FGF12: variants seen among roughly 807,000 people sequenced by gnomAD.
The protein encoded by FGF12 is fibroblast growth factor 12B.
In FGF12, 14 loss-of-function variants were observed where a neutral mutation model predicts 23.6. The ratio of observed to expected loss-of-function variants is 0.59; its 90% CI spans 0.39 to 0.93. The LOEUF is 0.93. FGF12 is among the 40% of genes least tolerant of loss of function. FGF12 has a pLI of 0.00. For synonymous variants in FGF12, 62 were observed against 77.3 expected (o/e 0.80, Z 1.04); for missense variants, 175 against 217.8 (o/e 0.80, Z 1.24).
chr3:192,230,678 T>C (rs867172469), intron 4 of FGF12, among the ~76,000 whole-genome samples: 1 of 152,190 alleles, frequency 6.6e-6, no homozygotes, highest in Non-Finnish European at 1.5e-5. Flanking sequence ...TGAAATCTAA[T>C]GTCAGACTAA....
intron 4 of FGF12, among the ~76,000 whole-genome samples, chr3:192,201,013 A>T (rs1717340624): frequency 6.6e-6 from 1 of 152,190 alleles, no homozygotes; most frequent in African/African-American, 2.4e-5. Flanking sequence ...GAAAGTTTTC[A>T]TAAAGGGGTA....
intron 2 of FGF12, among the ~76,000 whole-genome samples, chr3:192,627,851 C>CGTGTGTGT (rs1491518275): frequency 1.6e-5 from 2 of 123,356 alleles, no homozygotes; most frequent in African/African-American, 5.4e-5. Context: ...TGTGTGTGTG[C>CGTGTGTGT]ATGTGTGTGT....
chr3:192,542,145 T>C (rs1264858692), intron 2 of FGF12, among the ~76,000 whole-genome samples: 1 of 150,806 alleles, frequency 6.6e-6, no homozygotes, highest in East Asian at 2.0e-4. Flanking sequence ...AGTGCTGGGA[T>C]TACAGGTGTG....
intron 2 of FGF12, among the ~76,000 whole-genome samples, chr3:192,508,565 G>C (rs1003972700): frequency 6.6e-6 from 1 of 152,184 alleles, no homozygotes; most frequent in Non-Finnish European, 1.5e-5. Context: ...TAAATAAATG[G>C]ATTTATGTTG....
intron 2 of FGF12, among the ~76,000 whole-genome samples, chr3:192,422,841 G>T (rs1190391850): frequency 6.6e-6 from 1 of 152,174 alleles, no homozygotes; most frequent in Non-Finnish European, 1.5e-5. Context: ...TGTGGTCCCA[G>T]TGTAGTAGGA....
intron 2 of FGF12, among the ~76,000 whole-genome samples, chr3:192,489,222 AAG>A (rs1453322139): frequency 6.6e-6 from 1 of 152,070 alleles, no homozygotes; most frequent in African/African-American, 2.4e-5. Context: ...TAACAATAAA[AAG>A]AGCAAAAATA....
Position 192,587,408 on chromosome 3 carries a change from T to C in FGF12, c.13+139773A>G, listed in dbSNP as rs533238279. 8.7e-4 allele frequency among the ~76,000 whole-genome samples: 133 copies of C among 152,046 alleles called. 1 individual carries two copies. The highest frequency in any genetic ancestry group is 3.0e-3 in the African/African-American group (126 of 41,536). ...GTTGTGGTGGTAGTAGGAGGGTCTT[T>C]GAACAGCAGAATATGGATATATTGT... On this transcript the variant is annotated intron_variant, in intron 2 of 5. Coordinates refer to ENST00000445105, the MANE Select transcript of FGF12 (RefSeq NM_004113.6).
chr3:192,395,745 C>T (rs1720488398), intron 2 of FGF12, among the ~76,000 whole-genome samples: 1 of 152,136 alleles, frequency 6.6e-6, no homozygotes, highest in Non-Finnish European at 1.5e-5. Context: ...ATTCATTCTA[C>T]CTGGAAGGAT....
intron 2 of FGF12, 53 bp downstream of exon 2, chr3:192,727,128 C>T: frequency 1.3e-6 from 2 of 1,561,436 alleles, no homozygotes; most frequent in South Asian, 1.2e-5. Context: ...CGAGGATTGC[C>T]TTGGCCACAC....
At chr3:192,522,060 C>T (rs767067799) in intron 2 of FGF12, among the ~76,000 whole-genome samples, 23 of 152,058 alleles carry the variant, frequency 1.5e-4, no homozygotes, top group South Asian at 4.1e-4. Flanking sequence ...TAGCCGAGCG[C>T]GGTGGCGGGC....
intron 4 of FGF12, among the ~76,000 whole-genome samples, chr3:192,217,844 CTT>C (rs536986237): frequency 6.8e-6 from 1 of 145,998 alleles, no homozygotes; most frequent in African/African-American, 2.5e-5. Context: ...CTTTTCTTTT[CTT>C]TTTTTTTTAG....
intron 4 of FGF12, among the ~76,000 whole-genome samples, chr3:192,275,833 G>A (rs776932130): frequency 2.4e-4 from 37 of 152,236 alleles, no homozygotes; most frequent in Non-Finnish European, 4.3e-4. Flanking sequence ...TATAAATTAC[G>A]AGATTGGCTT....
At chr3:192,193,015 G>T (rs975925880) in intron 4 of FGF12, among the ~76,000 whole-genome samples, 1 of 152,094 alleles carries the variant, frequency 6.6e-6, no homozygotes, top group Non-Finnish European at 1.5e-5. Flanking sequence ...TGTCTTTTTG[G>T]GAGGTAGGAA....
At chr3:192,354,226 T>G (rs942744347) in intron 3 of FGF12, among the ~76,000 whole-genome samples, 3 of 152,206 alleles carry the variant, frequency 2.0e-5, no homozygotes, top group Non-Finnish European at 4.4e-5. Flanking sequence ...AGTGTATTTG[T>G]ATTCATAACT....
intron 4 of FGF12, among the ~76,000 whole-genome samples, chr3:192,256,873 T>C (rs1712429094): frequency 6.6e-6 from 1 of 152,172 alleles, no homozygotes; most frequent in African/African-American, 2.4e-5. Flanking sequence ...TTCCTTTAAT[T>C]AGCTTGGATC....
chr3:192,326,393 C>T (rs182073823), intron 4 of FGF12, among the ~76,000 whole-genome samples: 8 of 152,242 alleles, frequency 5.3e-5, no homozygotes, highest in African/African-American at 1.7e-4. Flanking sequence ...CCATCATCTA[C>T]CTTGTGGACA....
intron 4 of FGF12, among the ~76,000 whole-genome samples, chr3:192,333,980 G>C (rs1203884372): frequency 1.3e-5 from 2 of 151,986 alleles, no homozygotes; most frequent in Non-Finnish European, 2.9e-5. Context: ...CAATGAGCTG[G>C]GACAAAGTCT....
intron 4 of FGF12, among the ~76,000 whole-genome samples, chr3:192,291,507 T>C (rs937161193): frequency 6.6e-6 from 1 of 151,818 alleles, no homozygotes; most frequent in African/African-American, 2.4e-5. Flanking sequence ...TGCTTGGGCC[T>C]GGGAGGTCGA....
chr3:192,207,448 A>G (rs975053902), intron 4 of FGF12, among the ~76,000 whole-genome samples: 1 of 152,206 alleles, frequency 6.6e-6, no homozygotes, highest in Non-Finnish European at 1.5e-5. Flanking sequence ...GCTTTTGCAG[A>G]AGGAGGGATT....
Sources: allele counts gnomAD v4.1 joint callset (sites outside exome capture counted in the v4.1 genomes callset), GRCh38; gene constraint gnomAD v4.1.1; transcripts MANE v1.5; gene names NCBI Gene and HGNC (gene_info 2026-07-23, HGNC 2026-07-21).